The following KCNAB1 variants were observed in gnomAD, a reference collection of about 807,000 sequenced individuals.
The protein encoded by KCNAB1 is potassium voltage-gated channel subfamily A regulatory beta subunit 1.
A neutral mutation model predicts 64.6 loss-of-function variants in KCNAB1; 35 were observed. That is an observed-to-expected ratio of 0.54 (90% confidence interval 0.41 to 0.72). The LOEUF (loss-of-function observed/expected upper bound fraction) is 0.72, where lower values mean the gene tolerates loss of function less well. KCNAB1 is among the 30% of genes least tolerant of loss of function. The probability of loss-of-function intolerance (pLI) is 0.00; values close to 1 mark genes in which losing one functional copy is unlikely to be tolerated. For missense variants in KCNAB1, 401 were observed against 512.9 expected (o/e 0.78, Z 2.11); for synonymous variants, 177 against 183.8 (o/e 0.96, Z 0.30).
At position 156,312,537 on chromosome 3, in the gene KCNAB1, C is replaced by T. The variant is rs1017115766; in HGVS notation, c.276-109079C>T. Reference sequence around the variant, plus strand: ...GACCAGCCTGGCTAATATGGTGAAACCCTGTCTCTACTGAAAATACAAAAA... The same window carrying T: ...GACCAGCCTGGCTAATATGGTGAAATCCTGTCTCTACTGAAAATACAAAAA... On this transcript the variant is annotated intron_variant, in intron 1 of 13. Transcript: ENST00000490337. Among the ~76,000 whole-genome samples the T allele has an allele frequency of 2.0e-5, 3 of 151,704 alleles. No homozygotes were observed. In the East Asian group the frequency reaches 5.8e-4, roughly 29 times the overall value.
intron 4 of KCNAB1, among the ~76,000 whole-genome samples, chr3:156,459,596 G>A (rs1218684005): frequency 5.3e-5 from 8 of 151,900 alleles, no homozygotes; most frequent in African/African-American, 1.7e-4. Context: ...GACTGCAGGC[G>A]GTCTCCTGCC....
chr3:156,262,215 A>G (rs1718471695), intron 1 of KCNAB1, among the ~76,000 whole-genome samples: 1 of 151,834 alleles, frequency 6.6e-6, no homozygotes, highest in South Asian at 2.1e-4. Flanking sequence ...TTATTGCATT[A>G]GCTAAAACAT....
At chr3:156,443,761 C>T (rs1717182420) in intron 2 of KCNAB1, among the ~76,000 whole-genome samples, 1 of 151,256 alleles carries the variant, frequency 6.6e-6, no homozygotes, top group African/African-American at 2.4e-5. Flanking sequence ...CACACACACA[C>T]ACACACACAC....
chr3:156,534,438 C>T (rs1024597643), intron 13 of KCNAB1, among the ~76,000 whole-genome samples: 1 of 152,056 alleles, frequency 6.6e-6, no homozygotes, highest in Non-Finnish European at 1.5e-5. Flanking sequence ...GTGGGAGAAC[C>T]GCCTCTCCCC....
intron 1 of KCNAB1, among the ~76,000 whole-genome samples, chr3:156,347,672 C>T (rs1266789425): frequency 6.6e-6 from 1 of 152,206 alleles, no homozygotes; most frequent in Non-Finnish European, 1.5e-5. Flanking sequence ...GATAGACTCA[C>T]ATTTCAACTA....
At chr3:156,344,099 G>C (rs1477206100) in intron 1 of KCNAB1, among the ~76,000 whole-genome samples, 1 of 152,102 alleles carries the variant, frequency 6.6e-6, no homozygotes, top group Non-Finnish European at 1.5e-5. Flanking sequence ...AATGGAGCCT[G>C]CCTTGGCCAC....
At chr3:156,493,541 CTGT>C (rs1715791580) in intron 8 of KCNAB1, among the ~76,000 whole-genome samples, 1 of 152,092 alleles carries the variant, frequency 6.6e-6, no homozygotes, top group Admixed American at 6.6e-5. Flanking sequence ...TTAACATCTT[CTGT>C]AACCATTTAG....
At chr3:156,284,510 A>C (rs916276174) in intron 1 of KCNAB1, among the ~76,000 whole-genome samples, 3 of 152,130 alleles carry the variant, frequency 2.0e-5, no homozygotes, top group African/African-American at 4.8e-5. Flanking sequence ...TTGAGCTTCC[A>C]GGCTGCTTTG....
intron 1 of KCNAB1, among the ~76,000 whole-genome samples, chr3:156,283,676 T>C (rs2108507251): frequency 6.6e-6 from 1 of 152,088 alleles, no homozygotes; most frequent in Admixed American, 6.5e-5. Flanking sequence ...TTTTTATTCT[T>C]TTTTCTCTAG....
At chr3:156,426,275 C>T (rs1401126683) in intron 2 of KCNAB1, among the ~76,000 whole-genome samples, 1 of 152,084 alleles carries the variant, frequency 6.6e-6, no homozygotes, top group East Asian at 1.9e-4. Flanking sequence ...TCAAAGCAGC[C>T]CACTTTTTCT....
intron 1 of KCNAB1, among the ~76,000 whole-genome samples, chr3:156,381,867 G>A (rs1272815178): frequency 2.0e-5 from 3 of 152,308 alleles, no homozygotes; most frequent in East Asian, 1.9e-4. Context: ...AGACTCAACT[G>A]CCACATTAGC....
intron 1 of KCNAB1, chr3:156,176,536 G>C: frequency 2.5e-6 from 2 of 806,570 alleles, no homozygotes; most frequent in Non-Finnish European, 4.5e-6. Flanking sequence ...ATGCTGGGAA[G>C]AGCATACTGC....
intron 8 of KCNAB1, among the ~76,000 whole-genome samples, chr3:156,480,338 AG>A: frequency 6.6e-6 from 1 of 152,150 alleles, no homozygotes; most frequent in East Asian, 1.9e-4. Flanking sequence ...TCATTAAAAA[AG>A]TAAAAAGAGA....
intron 1 of KCNAB1, among the ~76,000 whole-genome samples, chr3:156,139,596 T>G (rs1290622939): frequency 2.1e-5 from 3 of 146,180 alleles, no homozygotes; most frequent in Non-Finnish European, 3.0e-5. Context: ...TTTTTTTTTT[T>G]TTTTTTTTTT....
intron 1 of KCNAB1, among the ~76,000 whole-genome samples, chr3:156,370,791 G>T (rs531528792): frequency 6.6e-6 from 1 of 152,338 alleles, no homozygotes; most frequent in Admixed American, 6.5e-5. Context: ...GGAGACGTGG[G>T]GTTTTATTAA....
Position 156,443,779 on chromosome 3 carries a change from C to CACA in KCNAB1, c.320-9118_320-9117insAAC, listed in dbSNP as rs1210068297. ...ACACACACACACACACACACACACACACTATTCTTTACTTGTAAATGGAGA... is the reference window on the plus strand; with the variant it reads ...ACACACACACACACACACACACACACACAACTATTCTTTACTTGTAAATGGAGA... On this transcript the variant is annotated intron_variant, in intron 2 of 13. Transcript: ENST00000490337. 3.9e-3 allele frequency among the ~76,000 whole-genome samples: 570 copies of CACA among 145,430 alleles called. 3 individuals are homozygous for CACA. The highest frequency in any genetic ancestry group is 0.017 in the East Asian group (82 of 4,968).
At chr3:156,274,508 CT>C (rs66880579) in intron 1 of KCNAB1, among the ~76,000 whole-genome samples, 26 of 150,066 alleles carry the variant, frequency 1.7e-4, no homozygotes, top group Admixed American at 1.1e-3. Context: ...AAGGTAAGAA[CT>C]TTTTTTTTTC....
intron 1 of KCNAB1, among the ~76,000 whole-genome samples, chr3:156,215,191 G>A (rs1715239376): frequency 6.6e-6 from 1 of 152,192 alleles, no homozygotes; most frequent in East Asian, 1.9e-4. Context: ...GAGAAGCTAT[G>A]GAAGTTAGGT....
chr3:156,492,220 C>T (rs550619086), intron 8 of KCNAB1, among the ~76,000 whole-genome samples: 55 of 152,120 alleles, frequency 3.6e-4, no homozygotes, highest in African/African-American at 1.1e-3. Flanking sequence ...CTACAATAAA[C>T]GCAGGACCAT....
Sources: gnomAD v4.1 joint callset for allele counts (sites outside exome capture counted in the v4.1 genomes callset) on GRCh38, gnomAD v4.1.1 for gene constraint, MANE v1.5 for transcripts, NCBI Gene and HGNC (gene_info 2026-07-23, HGNC 2026-07-21) for gene names.